Variants in CADM2 observed in about 807,000 individuals in gnomAD.
The protein encoded by CADM2 is immunoglobulin superfamily member 4D.
In CADM2, 12 loss-of-function variants were observed where a neutral mutation model predicts 49.8. The ratio of observed to expected loss-of-function variants is 0.24; its 90% confidence interval spans 0.15 to 0.39. CADM2 has a LOEUF of 0.39. Among genes scored for constraint, CADM2 ranks in the 10% least tolerant of loss-of-function variants. The pLI is 1.00. For missense variants in CADM2, 378 were observed against 492.3 expected, an observed-to-expected ratio of 0.77 and a Z score of 2.20; for synonymous variants, 214 against 175.4, an observed-to-expected ratio of 1.22 and a Z score of -1.74.
At chr3:85,386,092 C>T (rs1467273211) in intron 1 of CADM2, among the ~76,000 whole-genome samples, 1 of 152,138 alleles carries the variant, frequency 6.6e-6, no homozygotes, top group African/African-American at 2.4e-5. Context: ...TAACTACATA[C>T]TACTTTATTT....
rs72917183 is a variant in CADM2 at position 85,264,074 on chromosome 3, A to T, written c.61+304406A>T. ...TTCAGGTTCTCCGTTATCGTTCATTATGAAAATATCCACCTATGGGCCTGA... is the reference window on the plus strand; with the variant it reads ...TTCAGGTTCTCCGTTATCGTTCATTTTGAAAATATCCACCTATGGGCCTGA... On this transcript the variant is annotated intron_variant, in intron 1 of 9. Transcript: ENST00000383699. Among the ~76,000 whole-genome samples the T allele has an allele frequency of 6.3e-3, 963 of 152,204 alleles. 13 individuals are homozygous for T. The highest frequency in any genetic ancestry group is 0.022 in the African/African-American group (898 of 41,536).
Position 85,584,879 on chromosome 3 carries a change from A to T in CADM2, c.62-141643A>T, listed in dbSNP as rs535031646. Among the ~76,000 whole-genome samples, 5 of 152,102 alleles carry T rather than the reference A, an allele frequency of 3.3e-5. No individual in the cohort carries two copies. In the South Asian group the frequency reaches 1.0e-3, roughly 32 times the overall value. On this transcript the variant is annotated intron_variant, in intron 1 of 9. Transcript: ENST00000383699. The stretch of plus-strand genomic sequence containing the variant: ...ACTTCTAAGCTAACTTCTTGTGGGA[A>T]CTGATAAAGATTTTATCAGTTAAAT...
At chr3:85,014,298 C>G (rs1390271962) in intron 1 of CADM2, among the ~76,000 whole-genome samples, 1 of 150,924 alleles carries the variant, frequency 6.6e-6, no homozygotes, top group Non-Finnish European at 1.5e-5. Flanking sequence ...AGGAAAGGGA[C>G]CACCTTCTCA....
At chr3:85,717,771 T>C (rs1235771484) in intron 1 of CADM2, among the ~76,000 whole-genome samples, 2 of 152,124 alleles carry the variant, frequency 1.3e-5, no homozygotes, top group Admixed American at 6.5e-5. Context: ...GGGTTTTTGT[T>C]TGTTTGTTTT....
intron 1 of CADM2, among the ~76,000 whole-genome samples, chr3:85,012,995 T>A (rs961819861): frequency 4.0e-4 from 61 of 151,948 alleles, no homozygotes; most frequent in African/African-American, 1.3e-3. Flanking sequence ...CTAAAGTGCT[T>A]TTAAATTACC....
chr3:85,657,759 C>CATAT (rs1444851507), intron 1 of CADM2, among the ~76,000 whole-genome samples: 1 of 98,362 alleles, frequency 1.0e-5, no homozygotes, highest in African/African-American at 3.5e-5. Flanking sequence ...TATATATACA[C>CATAT]AGATATATAT....
At chr3:85,316,020 TACATG>T (rs1264417215) in intron 1 of CADM2, among the ~76,000 whole-genome samples, 1 of 152,130 alleles carries the variant, frequency 6.6e-6, no homozygotes, top group Non-Finnish European at 1.5e-5. Flanking sequence ...AGAAATAAAT[TACATG>T]ACATTAAGAA....
At chr3:85,323,582 GT>G (rs1349044600) in intron 1 of CADM2, among the ~76,000 whole-genome samples, 1 of 152,086 alleles carries the variant, frequency 6.6e-6, no homozygotes, top group Non-Finnish European at 1.5e-5. Context: ...TTAAATATAT[GT>G]TCAAAACTAA....
chr3:85,185,393 C>A (rs2041035319), intron 1 of CADM2, among the ~76,000 whole-genome samples: 1 of 151,928 alleles, frequency 6.6e-6, no homozygotes, highest in Non-Finnish European at 1.5e-5. Flanking sequence ...CATTTAGCAG[C>A]CTTTTGTATT....
chr3:85,278,726 G>C (rs2043421013), intron 1 of CADM2, among the ~76,000 whole-genome samples: 1 of 77,760 alleles, frequency 1.3e-5, no homozygotes, highest in African/African-American at 8.4e-5. Context: ...TCTTGTGTGT[G>C]TGTGTGTGTG....
At chr3:85,220,452 AATTC>A (rs2042019767) in intron 1 of CADM2, among the ~76,000 whole-genome samples, 2 of 152,086 alleles carry the variant, frequency 1.3e-5, no homozygotes, top group East Asian at 3.9e-4. Flanking sequence ...TGAAAAACTC[AATTC>A]ATTTTTTGTT....
chr3:86,052,482 A>G (rs1199564712), intron 8 of CADM2, among the ~76,000 whole-genome samples: 1 of 152,170 alleles, frequency 6.6e-6, no homozygotes, highest in Non-Finnish European at 1.5e-5. Flanking sequence ...AAGTCTTTTC[A>G]TTGGTATGTT....
chr3:85,546,423 G>A (rs890032228), intron 1 of CADM2, among the ~76,000 whole-genome samples: 8 of 152,212 alleles, frequency 5.3e-5, no homozygotes, highest in African/African-American at 1.7e-4. Context: ...CTTGCTGAAA[G>A]ACACAGGAGG....
intron 8 of CADM2, chr3:86,012,642 C>T: frequency 4.6e-6 from 7 of 1,523,902 alleles, no homozygotes; most frequent in Non-Finnish European, 4.5e-6. Context: ...CCGCGGGACC[C>T]GGCCAGATGC....
intron 1 of CADM2, among the ~76,000 whole-genome samples, chr3:85,582,898 T>A (rs1393224054): frequency 6.6e-6 from 1 of 152,088 alleles, no homozygotes; most frequent in African/African-American, 2.4e-5. Flanking sequence ...GGTTGGCAAG[T>A]CATTTACTTA....
intron 1 of CADM2, among the ~76,000 whole-genome samples, chr3:85,414,756 A>G (rs2035839417): frequency 6.6e-6 from 1 of 152,108 alleles, no homozygotes; most frequent in Non-Finnish European, 1.5e-5. Flanking sequence ...TTTCCATTCA[A>G]ACTTTACTTT....
At chr3:86,015,835 T>G (rs1732155922) in intron 8 of CADM2, among the ~76,000 whole-genome samples, 1 of 152,182 alleles carries the variant, frequency 6.6e-6, no homozygotes, top group Non-Finnish European at 1.5e-5. Flanking sequence ...GACAACTGAC[T>G]TGTCTGTTTT....
At chr3:85,645,211 A>G (rs2064845445) in intron 1 of CADM2, among the ~76,000 whole-genome samples, 1 of 152,120 alleles carries the variant, frequency 6.6e-6, no homozygotes, top group Admixed American at 6.6e-5. Flanking sequence ...GTGATATTCT[A>G]CTTTTCCCCA....
At chr3:85,475,204 A>G (rs777338569) in intron 1 of CADM2, among the ~76,000 whole-genome samples, 1 of 151,948 alleles carries the variant, frequency 6.6e-6, no homozygotes, top group Non-Finnish European at 1.5e-5. Context: ...TAGTGAGCAT[A>G]AAATTCATAC....
Sources: allele counts gnomAD v4.1 joint callset (sites outside exome capture counted in the v4.1 genomes callset), GRCh38; gene constraint gnomAD v4.1.1; transcripts MANE v1.5; gene names NCBI Gene and HGNC (gene_info 2026-07-23, HGNC 2026-07-21).